GRID2: variants seen among roughly 807,000 people sequenced by gnomAD.
GRID2 encodes glutamate receptor ionotropic, delta-2.
In GRID2, 33 loss-of-function variants were observed where a neutral mutation model predicts 114.8. The observed-to-expected ratio is 0.29, with a 90% confidence interval of 0.22 to 0.38. The LOEUF is 0.38. Ranked by LOEUF, GRID2 falls within the 10% of genes least tolerant of loss-of-function variation. The pLI is 1.00. For missense variants in GRID2, 1,184 were observed against 1,257.7 expected (o/e 0.94, Z 0.89); for synonymous variants, 505 against 449.9 (o/e 1.12, Z -1.55).
At chr4:93,734,431 G>A (rs916240001) in intron 14 of GRID2, among the ~76,000 whole-genome samples, 11 of 152,002 alleles carry the variant, frequency 7.2e-5, no homozygotes, top group African/African-American at 2.7e-4. Flanking sequence ...AAGATTGTCA[G>A]TAGTGAATGT....
intron 2 of GRID2, among the ~76,000 whole-genome samples, chr4:92,921,904 T>A (rs1749376488): frequency 6.6e-6 from 1 of 151,912 alleles, no homozygotes; most frequent in Non-Finnish European, 1.5e-5. Context: ...GTCTGCAGAG[T>A]TTTCTGCTGC....
chr4:92,993,267 A>G (rs1420155222), intron 2 of GRID2, among the ~76,000 whole-genome samples: 1 of 151,676 alleles, frequency 6.6e-6, no homozygotes, highest in Non-Finnish European at 1.5e-5. Flanking sequence ...AAAGCATTGT[A>G]AGTACCAAAA....
intron 13 of GRID2, among the ~76,000 whole-genome samples, chr4:93,532,779 T>C (rs1474545773): frequency 6.6e-6 from 1 of 152,194 alleles, no homozygotes; most frequent in Non-Finnish European, 1.5e-5. Flanking sequence ...GGGAATCTAA[T>C]TTAGTTTGTC....
At chr4:92,563,210 T>C (rs529813958) in intron 1 of GRID2, among the ~76,000 whole-genome samples, 135 of 152,268 alleles carry the variant, frequency 8.9e-4, no homozygotes, top group Admixed American at 1.4e-3. Flanking sequence ...GATTATGTGC[T>C]AATAATATTA....
chr4:92,677,557 T>G (rs1025608186), intron 2 of GRID2, among the ~76,000 whole-genome samples: 2 of 152,128 alleles, frequency 1.3e-5, no homozygotes, highest in East Asian at 3.9e-4. Context: ...CAAATTGAAC[T>G]CTTGATCTCC....
At chr4:93,614,108 G>A (rs13118376) in intron 13 of GRID2, among the ~76,000 whole-genome samples, 1 of 152,140 alleles carries the variant, frequency 6.6e-6, no homozygotes, top group Non-Finnish European at 1.5e-5. Flanking sequence ...CTTTGACTGG[G>A]AAAGGGAACT....
chr4:92,585,597 T>C (rs72661970), intron 1 of GRID2, among the ~76,000 whole-genome samples: 31,767 of 151,744 alleles, frequency 0.21, 3,710 homozygotes, highest in South Asian at 0.3. Flanking sequence ...GATAAGGTTG[T>C]TATAGAATAT....
At chr4:92,574,411 G>GTTTTTTTTTT (rs1727783712) in intron 1 of GRID2, among the ~76,000 whole-genome samples, 1 of 122,920 alleles carries the variant, frequency 8.1e-6, no homozygotes, top group Non-Finnish European at 1.7e-5. Context: ...CTGTACTTTA[G>GTTTTTTTTTT]TATTTTTTTT....
At chr4:93,128,024 C>CAAAAAAAAAAAAAAAAAAAAAAAA (rs1175904517) in intron 4 of GRID2, among the ~76,000 whole-genome samples, 1 of 19,004 alleles carries the variant, frequency 5.3e-5, no homozygotes, top group Non-Finnish European at 9.3e-5. Context: ...TTGTCCCCCG[C>CAAAAAAAAAAAAAAAAAAAAAAAA]AACAAAAAAA....
chr4:92,504,543 C>T (rs1306095167), intron 1 of GRID2, among the ~76,000 whole-genome samples: 4 of 151,804 alleles, frequency 2.6e-5, no homozygotes, highest in South Asian at 2.1e-4. Flanking sequence ...TTTCTCATGC[C>T]GAAGGAAGTT....
intron 14 of GRID2, among the ~76,000 whole-genome samples, chr4:93,695,108 T>C (rs1578590917): frequency 6.8e-6 from 1 of 147,396 alleles, no homozygotes; most frequent in Admixed American, 6.9e-5. Flanking sequence ...GAGGCGGAAG[T>C]CGCAGTGAGC....
chr4:92,571,386 G>A (rs1309075048), intron 1 of GRID2, among the ~76,000 whole-genome samples: 1 of 152,136 alleles, frequency 6.6e-6, no homozygotes, highest in Non-Finnish European at 1.5e-5. Flanking sequence ...CATAGAGCAA[G>A]TCTTTAGAGA....
rs985172075 is a variant in GRID2, at chr4:93,585,453, A to G, written c.2194-40816A>G. ...GGTCTTTTTCAATTAGGGCATCAAC[A>G]AGATTAACTTTTTTTCCCACAAAGT... is the stretch of plus-strand genomic sequence containing the variant. On this transcript the variant is annotated intron_variant, in intron 13 of 15. Transcript: ENST00000282020. Among the ~76,000 whole-genome samples the G allele has an allele frequency of 2.8e-4, 42 of 152,102 alleles. 1 individual carries two copies. The highest frequency in any genetic ancestry group is 7.4e-5 in the Non-Finnish European group (5 of 68,004).
At chr4:93,304,088 A>G (rs1387941742) in intron 8 of GRID2, among the ~76,000 whole-genome samples, 2 of 151,520 alleles carry the variant, frequency 1.3e-5, no homozygotes, top group Admixed American at 1.3e-4. Flanking sequence ...TTTTAAAAAT[A>G]TATATTAATA....
intron 8 of GRID2, among the ~76,000 whole-genome samples, chr4:93,364,979 T>A (rs1762202932): frequency 6.6e-6 from 1 of 152,192 alleles, no homozygotes; most frequent in Non-Finnish European, 1.5e-5. Flanking sequence ...GCAGTAGAAG[T>A]TTGTCTTTAT....
At chr4:93,605,040 A>G (rs1454259063) in intron 13 of GRID2, among the ~76,000 whole-genome samples, 1 of 152,168 alleles carries the variant, frequency 6.6e-6, no homozygotes, top group African/African-American at 2.4e-5. Flanking sequence ...ATAGTAATGT[A>G]TAGATATGAA....
intron 2 of GRID2, among the ~76,000 whole-genome samples, chr4:92,604,016 A>G (rs772668598): frequency 1.3e-4 from 20 of 152,222 alleles, no homozygotes; most frequent in Non-Finnish European, 2.6e-4. Flanking sequence ...AAGAATGGCA[A>G]TTATTAAAAT....
At chr4:92,890,603 T>C (rs939720916) in intron 2 of GRID2, among the ~76,000 whole-genome samples, 1 of 151,990 alleles carries the variant, frequency 6.6e-6, no homozygotes, top group African/African-American at 2.4e-5. Flanking sequence ...CATTCAAAAG[T>C]CAGGAAACAA....
rs1579239454 is a variant in GRID2, at chr4:93,189,813, AC to A, written c.736-17590del. ...CACACACACACACACACACACACACACAAATCTCATCTTTAAAAAAAAAACA... is the reference window on the plus strand; with the variant it reads ...CACACACACACACACACACACACACAAAATCTCATCTTTAAAAAAAAAACA... On this transcript the variant is annotated intron_variant, in intron 4 of 15. Transcript: ENST00000282020. 3.7e-5 allele frequency among the ~76,000 whole-genome samples: 5 copies of A among 136,532 alleles called. No homozygotes were observed. The East Asian group carries it at 1.1e-3, about 31-fold the overall frequency. 89.6% of individuals were successfully genotyped at this position (136,532 alleles called of 152,430 possible). A position where few individuals can be genotyped will look rare whatever the true frequency, so the allele number is the denominator to read the frequency against.
Sources: gnomAD v4.1 joint callset for allele counts (sites outside exome capture counted in the v4.1 genomes callset) on GRCh38, gnomAD v4.1.1 for gene constraint, MANE v1.5 for transcripts, NCBI Gene and HGNC (gene_info 2026-07-23, HGNC 2026-07-21) for gene names.